The following CCDC74A variants were observed in gnomAD, a reference collection of about 807,000 sequenced individuals.
The protein encoded by CCDC74A is coiled-coil domain-containing protein 74A.
CCDC74A carries 38 observed loss-of-function variants against 37.6 expected under a neutral mutation model. The ratio of observed to expected loss-of-function variants is 1.01; its 90% confidence interval spans 0.78 to 1.33. The LOEUF is 1.33. Ranked by LOEUF, CCDC74A falls within the 40% of genes most tolerant of loss-of-function variation. The pLI is 0.00. For missense variants in CCDC74A, 340 were observed against 403.4 expected, an observed-to-expected ratio of 0.84 and a Z score of 1.35; for synonymous variants, 134 against 165.2, an observed-to-expected ratio of 0.81 and a Z score of 1.45.
upstream of CCDC74A, among the ~76,000 whole-genome samples, chr2:131,524,251 T>A (rs1252111309): frequency 6.6e-6 from 1 of 152,092 alleles, no homozygotes; most frequent in Non-Finnish European, 1.5e-5. Flanking sequence ...ACTGGGTTAT[T>A]GTGTTTATTT....
chr2:131,524,451 C>T (rs1163464494), upstream of CCDC74A, among the ~76,000 whole-genome samples: 2 of 152,186 alleles, frequency 1.3e-5, no homozygotes, highest in African/African-American at 4.8e-5. Flanking sequence ...GTGGTGCAAG[C>T]AGCCATGCAT....
chr2:131,523,598 G>C (rs140192422), upstream of CCDC74A, among the ~76,000 whole-genome samples: 168 of 152,300 alleles, frequency 1.1e-3, 4 homozygotes, highest in East Asian at 0.031. Context: ...CTGTACTCCA[G>C]CCTGGGTGAC....
chr2:131,528,187 G>A lies in CCDC74A; in HGVS notation c.217G>A (p.Glu73Lys), dbSNP rs1680499643. 1.2e-6 allele frequency: 2 copies of A among 1,613,632 alleles called. No homozygotes were observed. The highest frequency in any genetic ancestry group is 2.2e-5 in the East Asian group (1 of 44,848). The stretch of plus-strand genomic sequence containing the variant: ...CTCGGAGATGCTGGCCAAGCTCCAT[G>A]AGGAGATCGAGCATCTGAAGCGGGA... ...QHSEMLAKLHEEIEHLKRENK... is the reference protein window; with the variant it reads ...QHSEMLAKLHKEIEHLKRENK... The change falls in exon 1 of 8, where the codon GAG (glutamate) becomes AAG (lysine). Residue 73 changes from glutamate to lysine, a missense_variant. Transcript: ENST00000409856.
In CCDC74A at chr2:131,532,654, G is replaced by A. The variant is rs751588999; in HGVS notation, c.551G>A (p.Arg184Lys). The A allele has an allele frequency of 1.2e-6, 2 of 1,612,390 alleles. No homozygotes were observed. The highest frequency in any genetic ancestry group is 2.2e-5 in the East Asian group (1 of 44,870). ...ACMGNSQHQG[R>K]QMGAGAHPPM... ...ATGGGGAACAGCCAGCACCAGGGCA[G>A]GCAGATGGGGGCGGGGGCACACCCC... The change falls in exon 5 of 8, where the codon AGG becomes AAG. Residue 184 changes from arginine to lysine, a missense_variant. This residue lies in a region of CCDC74A where 185 missense variants were observed against 231.5 expected (regional missense o/e 0.80). Coordinates refer to ENST00000409856, the MANE Select transcript of CCDC74A (RefSeq NM_001258306.3).
At chr2:131,525,757 C>T (rs541051482), upstream of CCDC74A, among the ~76,000 whole-genome samples, 9 of 107,232 alleles carry the variant, frequency 8.4e-5, no homozygotes, top group South Asian at 1.6e-3. Context: ...CTTGTTCTGT[C>T]GCCCAGGCTG....
intron 3 of CCDC74A, among the ~76,000 whole-genome samples, chr2:131,531,056 G>A (rs1681203962): frequency 6.6e-6 from 1 of 152,152 alleles, no homozygotes; most frequent in Non-Finnish European, 1.5e-5. Flanking sequence ...CCTCACAGCA[G>A]GCACCCCAGG....
chr2:131,527,103 T>A (rs1044988042), upstream of CCDC74A, among the ~76,000 whole-genome samples: 1 of 151,104 alleles, frequency 6.6e-6, no homozygotes, highest in African/African-American at 2.4e-5. Context: ...ATTTTTAAAT[T>A]TATTTATTTA....
rs757819225 is a variant in CCDC74A at position 131,528,390 on chromosome 2, G to A, written c.250+170G>A. On this transcript the variant is annotated intron_variant, in intron 1 of 7. Transcript: ENST00000409856. ...GCTGAGCTGTCCCCTCCTCCCAGAGGGAGACCCGCGTGGCCCCCGGGCAGT... is the reference window on the plus strand; with the variant it reads ...GCTGAGCTGTCCCCTCCTCCCAGAGAGAGACCCGCGTGGCCCCCGGGCAGT... 243 of 1,550,292 alleles carry A rather than the reference G, an allele frequency of 1.6e-4. No individual in the cohort carries two copies. In the African/African-American group the frequency reaches 2.9e-3, roughly 18 times the overall value.
chr2:131,529,093 G>GCTC (rs2104791119), intron 1 of CCDC74A: 1 of 185,676 alleles, frequency 5.4e-6, no homozygotes, highest in African/African-American at 2.4e-5. Context: ...ATGTGGCTCC[G>GCTC]CTCCTCGATC....
rs1380766435 is a variant in CCDC74A, at chr2:131,528,107, C to T, written c.137C>T (p.Pro46Leu). 3.7e-6 allele frequency: 6 copies of T among 1,613,542 alleles called. No individual in the cohort carries two copies. The highest frequency in any genetic ancestry group is 5.1e-6 in the Non-Finnish European group (6 of 1,179,802). Residue 46 changes from proline to leucine, a missense_variant, in exon 1 of 8, where the codon CCG becomes CTG. Physicochemically the swap from Pro to Leu is moderately conservative, Grantham distance 98. Coordinates refer to ENST00000409856, the MANE Select transcript of CCDC74A (RefSeq NM_001258306.3). ...AGCCCGCAGCTCAGGCAGAGCGACC[C>T]GCAGAAACGGAACCTGGACCTGGAG... ...PQSPQLRQSD[P>L]QKRNLDLEKS...
chr2:131,528,142 C>T lies in CCDC74A; in HGVS notation c.172C>T (p.Gln58Ter), dbSNP rs146378866. The T allele has an allele frequency of 2.0e-5, 33 of 1,613,818 alleles. No homozygotes were observed. The African/African-American group carries it at 2.3e-4, about 11-fold the overall frequency. ...GAACCTGGACCTGGAGAAAAGCCTG[C>T]AGTTCCTGCAGCAGCAGCACTCGGA... The part of the protein sequence containing the change: ...KRNLDLEKSL[Q>*]FLQQQHSEML... The change falls in exon 1 of 8, where the codon CAG becomes TAG. Residue 58 changes from glutamine to a stop codon, truncating the protein, a stop_gained. Transcript: ENST00000409856. LOFTEE classifies it high-confidence loss of function.
chr2:131,529,941 G>C (rs762005654), intron 2 of CCDC74A: 1 of 1,504,680 alleles, frequency 6.6e-7, no homozygotes, highest in East Asian at 2.5e-5. Context: ...TGGGCACAGG[G>C]TGCTCCCCAG....
At chr2:131,529,093 G>A (rs1305200710) in intron 1 of CCDC74A, 4 of 185,558 alleles carry the variant, frequency 2.2e-5, no homozygotes, top group African/African-American at 4.9e-5. Context: ...ATGTGGCTCC[G>A]CTCCTCGATC....
Position 131,527,998 on chromosome 2 carries a change from A to G in CCDC74A, c.28A>G (p.Thr10Ala). 11 of 1,460,120 alleles carry G rather than the reference A, an allele frequency of 7.5e-6. No individual in the cohort carries two copies. The highest frequency in any genetic ancestry group is 1.4e-5 in the African/African-American group (1 of 69,806). 90.4% of individuals were successfully genotyped at this position (1,460,120 alleles called of 1,614,324 possible). Reference sequence around the variant, plus strand: ...GAGCGGTGCGGGGGTGGCGGCTGGGACGCGGCCCCCCAGCTCGCCGACCCC... The same window carrying G: ...GAGCGGTGCGGGGGTGGCGGCTGGGGCGCGGCCCCCCAGCTCGCCGACCCC... MSGAGVAAG[T>A]RPPSSPTPGS... The change falls in exon 1 of 8, where the codon ACG becomes GCG. Residue 10 changes from threonine (T) to alanine (A), a missense_variant. Around this residue, in one of 3 missense-constraint regions of CCDC74A, gnomAD observed 154 missense variants for 153.9 expected, o/e 1.00. Coordinates refer to ENST00000409856, the MANE Select transcript of CCDC74A (RefSeq NM_001258306.3).
upstream of CCDC74A, among the ~76,000 whole-genome samples, chr2:131,525,361 G>C (rs1680262003): frequency 6.6e-6 from 1 of 151,930 alleles, no homozygotes. Flanking sequence ...TGGGACTGCA[G>C]GTGTGCACCA....
At chr2:131,522,635 T>C in the CCDC74A span, among the ~76,000 whole-genome samples, 1 of 152,118 alleles carries the variant, frequency 6.6e-6, no homozygotes, top group Non-Finnish European at 1.5e-5. Flanking sequence ...CCCTGCCCCT[T>C]GCACCTCCGC....
intron 1 of CCDC74A, chr2:131,528,716 CAGG>C (rs778933472): frequency 1.1e-3 from 424 of 385,120 alleles, no homozygotes; most frequent in Middle Eastern, 0.01. Context: ...GAGGCTGAAG[CAGG>C]AGAATGGCGT....
chr2:131,530,694 G>A (rs146155112), intron 2 of CCDC74A, 83 bp from the exon 3 acceptor site: 207 of 1,613,352 alleles, frequency 1.3e-4, no homozygotes, highest in Non-Finnish European at 1.6e-4. Flanking sequence ...GGCTGAAGGA[G>A]GGCTCCTCAC....
At chr2:131,523,385 T>C (rs941473384), upstream of CCDC74A, among the ~76,000 whole-genome samples, 10 of 152,280 alleles carry the variant, frequency 6.6e-5, no homozygotes, top group African/African-American at 1.7e-4. Flanking sequence ...CCCAGCACTT[T>C]AGGAGGCTGA....
Sources: allele counts gnomAD v4.1 joint callset (sites outside exome capture counted in the v4.1 genomes callset), GRCh38; gene constraint gnomAD v4.1.1; regional missense constraint gnomAD v4.1.1; transcripts MANE v1.5; gene names NCBI Gene and HGNC (gene_info 2026-07-23, HGNC 2026-07-21).